The following WDPCP variants were observed in gnomAD, a reference collection of about 807,000 sequenced individuals.
WDPCP encodes WD repeat-containing and planar cell polarity effector protein fritz homolog.
In WDPCP, 71 loss-of-function variants were observed where a neutral mutation model predicts 93.1. The observed-to-expected ratio is 0.76, with a 90% CI of 0.63 to 0.93. The LOEUF (loss-of-function observed/expected upper bound fraction) is 0.93, where lower values mean the gene tolerates loss of function less well. Ranked by LOEUF, WDPCP falls within the 40% of genes least tolerant of loss-of-function variation. The pLI is 0.00. For missense variants in WDPCP, 844 were observed against 887.4 expected (o/e 0.95, Z 0.62); for synonymous variants, 315 against 315.0 (o/e 1.00, Z 0.00).
chr2:63,809,116 G>C (rs1266705133), intron 2 of WDPCP, among the ~76,000 whole-genome samples: 1 of 150,468 alleles, frequency 6.6e-6, no homozygotes, highest in Non-Finnish European at 1.5e-5. Flanking sequence ...CAGCCGCCCT[G>C]TCTGGGAAGT....
intron 1 of WDPCP, among the ~76,000 whole-genome samples, chr2:63,502,385 A>G (rs947446339): frequency 5.9e-5 from 9 of 152,220 alleles, no homozygotes; most frequent in African/African-American, 2.2e-4. Context: ...TTACATTTTG[A>G]TAGGTATTGC....
At chr2:63,633,464 C>T (rs1709886245) in intron 3 of WDPCP, among the ~76,000 whole-genome samples, 1 of 151,612 alleles carries the variant, frequency 6.6e-6, no homozygotes, top group African/African-American at 2.4e-5. Flanking sequence ...AAAATGGAGG[C>T]GAGTAAAAGA....
chr2:63,635,897 T>A (rs1287808221), intron 3 of WDPCP, among the ~76,000 whole-genome samples: 1 of 152,104 alleles, frequency 6.6e-6, no homozygotes, highest in East Asian at 1.9e-4. Flanking sequence ...GATATCTACA[T>A]TGGAAAGGAA....
chr2:63,271,534 G>A (rs752850420), intron 13 of WDPCP, among the ~76,000 whole-genome samples: 58 of 152,306 alleles, frequency 3.8e-4, no homozygotes, highest in Non-Finnish European at 6.6e-4. Context: ...ACCATCTAGG[G>A]TCCTTGGGAC....
intron 2 of WDPCP, among the ~76,000 whole-genome samples, chr2:63,804,251 CTTTT>C (rs548734461): frequency 2.1e-5 from 3 of 139,818 alleles, no homozygotes; most frequent in African/African-American, 2.6e-5. Context: ...CCAGATACTC[CTTTT>C]TTTTTTTTTT....
intron 2 of WDPCP, among the ~76,000 whole-genome samples, chr2:63,655,121 G>A (rs890484307): frequency 1.3e-5 from 2 of 152,166 alleles, no homozygotes; most frequent in Non-Finnish European, 2.9e-5. Context: ...CCATGCATGT[G>A]GGTCTGCCCA....
chr2:63,211,455 T>C (rs1214551244), intron 14 of WDPCP, among the ~76,000 whole-genome samples: 1 of 152,116 alleles, frequency 6.6e-6, no homozygotes, highest in Non-Finnish European at 1.5e-5. Flanking sequence ...CAAAACCCCA[T>C]TTGTACGTCA....
At chr2:63,326,047 A>G (rs1026163629) in intron 12 of WDPCP, among the ~76,000 whole-genome samples, 4 of 152,240 alleles carry the variant, frequency 2.6e-5, no homozygotes, top group African/African-American at 4.8e-5. Context: ...GAGGCTATCA[A>G]AATAATACAA....
At chr2:63,148,435 G>C (rs1048095832) in intron 17 of WDPCP, among the ~76,000 whole-genome samples, 3 of 152,188 alleles carry the variant, frequency 2.0e-5, no homozygotes, top group African/African-American at 4.8e-5. Context: ...TGCCTCCTGG[G>C]TTGAAACGAT....
At position 63,552,092 on chromosome 2, in the gene WDPCP, C is replaced by T. The variant is rs189284549; in HGVS notation, c.75+36105G>A. 5.9e-3 allele frequency among the ~76,000 whole-genome samples: 817 copies of T among 137,550 alleles called. 113 individuals are homozygous for T. Among genetic ancestry groups the T allele is most frequent in the African/African-American group, 0.022 (771 of 34,948 alleles). 90.2% of individuals were successfully genotyped at this position (137,550 alleles called of 152,430 possible). A position where few individuals can be genotyped will look rare whatever the true frequency, so the allele number is the denominator to read the frequency against. On this transcript the variant is annotated intron_variant, in intron 1 of 17. Transcript: ENST00000272321. ...CAGGTGTGAGCCACCACACTTGGCCCTGCTTTCTTTAAAACAATATTTTAT... is the reference window on the plus strand; with the variant it reads ...CAGGTGTGAGCCACCACACTTGGCCTTGCTTTCTTTAAAACAATATTTTAT...
At chr2:63,375,580 T>C (rs1398481177) in intron 12 of WDPCP, among the ~76,000 whole-genome samples, 2 of 151,946 alleles carry the variant, frequency 1.3e-5, no homozygotes, top group African/African-American at 2.4e-5. Context: ...AGTTTAGATT[T>C]GTTTGGATTT....
At chr2:63,336,294 T>G (rs1688359866) in intron 12 of WDPCP, among the ~76,000 whole-genome samples, 1 of 152,300 alleles carries the variant, frequency 6.6e-6, no homozygotes, top group Non-Finnish European at 1.5e-5. Flanking sequence ...CAAAATAGAA[T>G]CATGTCATTT....
At chr2:63,731,266 TC>T (rs1205375744) in intron 2 of WDPCP, among the ~76,000 whole-genome samples, 4 of 130,782 alleles carry the variant, frequency 3.1e-5, no homozygotes, top group Non-Finnish European at 3.3e-5. Context: ...AGAATCCGTC[TC>T]AAAAAAAAAA....
intron 6 of WDPCP, among the ~76,000 whole-genome samples, chr2:63,475,761 T>C (rs1042767342): frequency 6.6e-6 from 1 of 152,118 alleles, no homozygotes; most frequent in African/African-American, 2.4e-5. Flanking sequence ...TCCTCATTAC[T>C]CTAATTGATC....
At chr2:63,778,261 G>A (rs1437527348) in intron 2 of WDPCP, among the ~76,000 whole-genome samples, 3 of 151,712 alleles carry the variant, frequency 2.0e-5, no homozygotes. Context: ...AGGCTGGAGT[G>A]CAGTGGCGCG....
intron 13 of WDPCP, among the ~76,000 whole-genome samples, chr2:63,305,754 A>T (rs780830243): frequency 2.0e-5 from 3 of 152,188 alleles, no homozygotes; most frequent in Non-Finnish European, 2.9e-5. Context: ...AACAAACTCC[A>T]CCGAGCTCAA....
chr2:63,193,045 A>C (rs1675160523), intron 14 of WDPCP, among the ~76,000 whole-genome samples: 2 of 152,244 alleles, frequency 1.3e-5, no homozygotes, highest in African/African-American at 4.8e-5. Flanking sequence ...GATAAGTACA[A>C]GATAAGCCAT....
intron 1 of WDPCP, among the ~76,000 whole-genome samples, chr2:63,584,196 C>T (rs754631710): frequency 8.6e-5 from 13 of 151,948 alleles, no homozygotes; most frequent in Admixed American, 4.6e-4. Context: ...CATACTAACA[C>T]AGCTTAAAAA....
intron 9 of WDPCP, among the ~76,000 whole-genome samples, chr2:63,417,337 A>G (rs970547644): frequency 3.3e-5 from 5 of 152,172 alleles, no homozygotes; most frequent in African/African-American, 1.2e-4. Flanking sequence ...ATGAAATTTA[A>G]CCCTGTAGTT....
Sources: allele counts gnomAD v4.1 joint callset (sites outside exome capture counted in the v4.1 genomes callset), GRCh38; gene constraint gnomAD v4.1.1; transcripts MANE v1.5; gene names NCBI Gene and HGNC (gene_info 2026-07-23, HGNC 2026-07-21).